PDK3: variants seen among roughly 807,000 people sequenced by gnomAD.
The protein encoded by PDK3 is pyruvate dehydrogenase kinase, isozyme 3.
Under a neutral mutation model 32.0 loss-of-function variants are expected in PDK3, and 12 were observed. That is an observed-to-expected ratio of 0.37 (90% confidence interval 0.24 to 0.61). The LOEUF (loss-of-function observed/expected upper bound fraction) is 0.61, where lower values mean the gene tolerates loss of function less well. Ranked by LOEUF, PDK3 falls within the 20% of genes least tolerant of loss-of-function variation. The pLI is 0.65. For missense variants in PDK3, 188 were observed against 316.9 expected (o/e 0.59, Z 3.09); for synonymous variants, 122 against 116.3 (o/e 1.05, Z -0.31).
Position 24,472,980 on chromosome X carries a change from C to G in PDK3, c.106+7419C>G, listed in dbSNP as rs183765617. ...AGGATTACAGGCATGAGCCACAGCCCCTGGCCTGGCTCACATATTTATATT... is the reference window on the plus strand; with the variant it reads ...AGGATTACAGGCATGAGCCACAGCCGCTGGCCTGGCTCACATATTTATATT... On this transcript the variant is annotated intron_variant, in intron 1 of 10. Transcript: ENST00000379162. Among the ~76,000 whole-genome samples the G allele has an allele frequency of 0.021, 2,317 of 109,429 alleles. 54 individuals carry two copies. In the South Asian group the frequency reaches 0.21, roughly 10 times the overall value.
chrX:24,465,693 C>G, intron 1 of PDK3, 132 bp downstream of exon 1: 1 of 504,357 alleles, frequency 2.0e-6, no homozygotes, highest in Non-Finnish European at 3.2e-6. Flanking sequence ...GGGGGGCTCT[C>G]CTGGGGCTCG....
At chrX:24,493,554 C>T (rs1921625976) in intron 1 of PDK3, among the ~76,000 whole-genome samples, 1 of 111,253 alleles carries the variant, frequency 9.0e-6, no homozygotes, top group East Asian at 2.9e-4. Context: ...TGATGTTGCC[C>T]ATTTCTGTGC....
In PDK3 at chrX:24,515,470, T is replaced by C. The variant is rs773927552; in HGVS notation, c.596-3463T>C. Among the ~76,000 whole-genome samples the C allele has an allele frequency of 1.7e-4, 19 of 112,443 alleles. No homozygotes were observed. The South Asian group carries it at 6.2e-3, about 37-fold the overall frequency. ...ATTAGCACATTTAGTGGGTTTAGGT[T>C]ATTTTTGTTTTGTAGTGAATGGAAG... On this transcript the variant is annotated intron_variant, in intron 5 of 10. Transcript: ENST00000379162.
chrX:24,487,455 A>G (rs745316984), intron 1 of PDK3, among the ~76,000 whole-genome samples: 10 of 112,003 alleles, frequency 8.9e-5, no homozygotes, highest in Non-Finnish European at 1.9e-4. Flanking sequence ...CAACATACAC[A>G]TGGAACAAAC....
chrX:24,533,892 T>C, intron 10 of PDK3, 37 bp from the exon 11 acceptor site: 3 of 1,149,885 alleles, frequency 2.6e-6, no homozygotes, highest in Non-Finnish European at 3.5e-6. Context: ...AAAATGACAC[T>C]GTCGACCTTT....
At position 24,503,328 on chromosome X, in the gene PDK3, T is replaced by A; in HGVS notation, c.322T>A (p.Phe108Ile). ...ACGTTTTGTTTCCCTCTCACACAGC[T>A]TTCTACAAGTTCTGATTAAAGTCAG... Reference protein sequence around the residue: ...SPEDPQVLDNFLQVLIKVRNR... With the variant: ...SPEDPQVLDNILQVLIKVRNR... The change falls in exon 4 of 11, where the codon TTT (phenylalanine) becomes ATT (isoleucine). Residue 108 changes from phenylalanine (F) to isoleucine (I), a missense_variant and splice_region_variant. Physicochemically the swap from Phe to Ile is conservative, Grantham distance 21 (BLOSUM62 0). Transcript: ENST00000379162. The A allele has an allele frequency of 8.3e-7, 1 of 1,197,984 alleles. No individual in the cohort carries two copies.
chrX:24,512,120 C>T (rs1411961625), intron 5 of PDK3, among the ~76,000 whole-genome samples: 5 of 111,373 alleles, frequency 4.5e-5, no homozygotes, highest in African/African-American at 1.6e-4. Context: ...ATTATAGACC[C>T]CAGGTAGTGA....
In PDK3 at chrX:24,505,136, C is replaced by T. The variant is rs919850161; in HGVS notation, c.506-73C>T. On this transcript the variant is annotated intron_variant, in intron 4 of 10. Coordinates refer to ENST00000379162, the MANE Select transcript of PDK3 (RefSeq NM_005391.5). ...AAGATATCCTTTCTAAACATAAGCC[C>T]CTATATTTCCCTGTGTGACCATCCC... 12 of 673,464 alleles carry T rather than the reference C, an allele frequency of 1.8e-5. No individual in the cohort carries two copies. In the African/African-American group the frequency reaches 2.2e-4, roughly 12 times the overall value. 55.5% of individuals were successfully genotyped at this position (673,464 alleles called of 1,213,427 possible). A position where few individuals can be genotyped will look rare whatever the true frequency, so the allele number is the denominator to read the frequency against.
chrX:24,481,209 A>G (rs1013644031), intron 1 of PDK3, among the ~76,000 whole-genome samples: 1 of 110,526 alleles, frequency 9.0e-6, no homozygotes, highest in African/African-American at 3.3e-5. Context: ...GCACGCGGCT[A>G]ATTTTTTGTA....
At chrX:24,520,789 A>G (rs7053895) in intron 6 of PDK3, among the ~76,000 whole-genome samples, 44,904 of 110,941 alleles carry the variant, frequency 0.4, 6,478 homozygotes, top group African/African-American at 0.49. Context: ...CCATAGTGTA[A>G]CTTACCATAA....
At chrX:24,486,901 G>C (rs1482081613) in intron 1 of PDK3, among the ~76,000 whole-genome samples, 1 of 111,792 alleles carries the variant, frequency 8.9e-6, no homozygotes, top group African/African-American at 3.3e-5. Context: ...AAAGTGCTGG[G>C]ATTACAGGCA....
At chrX:24,549,511 C>G (rs1468659610) in exon 12 of PDK3, 1 of 111,823 alleles carries the variant, frequency 8.9e-6, no homozygotes, top group Non-Finnish European at 1.9e-5. Context: ...ATTCTATTGC[C>G]TCCCTCATTT....
intron 1 of PDK3, among the ~76,000 whole-genome samples, chrX:24,480,691 C>G (rs1411619084): frequency 8.0e-5 from 9 of 112,440 alleles, no homozygotes; most frequent in African/African-American, 2.9e-4. Context: ...CGAAGTCATT[C>G]TGGAGTCCAT....
At chrX:24,476,018 G>A (rs769814501) in intron 1 of PDK3, among the ~76,000 whole-genome samples, 1 of 111,568 alleles carries the variant, frequency 9.0e-6, no homozygotes, top group South Asian at 3.8e-4. Context: ...TTACTGGATG[G>A]AATCTGAAAA....
exon 12 of PDK3, among the ~76,000 whole-genome samples, chrX:24,540,147 C>T (rs766988583): frequency 4.5e-5 from 5 of 112,087 alleles, no homozygotes; most frequent in Admixed American, 1.9e-4. Context: ...ATTGTCACCT[C>T]AGTCTGATTT....
exon 12 of PDK3, chrX:24,539,738 T>C (rs1922850401): frequency 8.9e-6 from 1 of 112,608 alleles, no homozygotes; most frequent in African/African-American, 3.2e-5. Context: ...TGAGATGTGG[T>C]GACTTTCATG....
chrX:24,541,752 A>T (rs1385900583), exon 12 of PDK3, among the ~76,000 whole-genome samples: 1 of 112,564 alleles, frequency 8.9e-6, no homozygotes, highest in East Asian at 2.8e-4. Context: ...TTAGGCAGAG[A>T]ATCTGGCTGT....
intron 1 of PDK3, among the ~76,000 whole-genome samples, chrX:24,482,546 C>T (rs1921290481): frequency 8.9e-6 from 1 of 111,804 alleles, no homozygotes; most frequent in Non-Finnish European, 1.9e-5. Flanking sequence ...ACCATTGTCC[C>T]CAGTGCAATT....
intron 7 of PDK3, among the ~76,000 whole-genome samples, chrX:24,527,338 A>G (rs1922547958): frequency 9.0e-6 from 1 of 110,897 alleles, no homozygotes; most frequent in African/African-American, 3.3e-5. Context: ...AGAAAAATAA[A>G]TATTTAGCAT....
Sources: allele counts gnomAD v4.1 joint callset (sites outside exome capture counted in the v4.1 genomes callset), GRCh38; gene constraint gnomAD v4.1.1; transcripts MANE v1.5; gene names NCBI Gene and HGNC (gene_info 2026-07-23, HGNC 2026-07-21).